The following SUCLG2 variants were observed in gnomAD, a reference collection of about 807,000 sequenced individuals.
The protein encoded by SUCLG2 is succinate-CoA ligase GDP-forming subunit beta.
Under a neutral mutation model 47.9 loss-of-function variants are expected in SUCLG2, and 42 were observed. The observed-to-expected ratio is 0.88, with a 90% CI of 0.69 to 1.14. The LOEUF is 1.14. Ranked by LOEUF, SUCLG2 falls within the 50% of genes most tolerant of loss-of-function variation. The pLI, the probability that SUCLG2 is intolerant of heterozygous loss-of-function variation, is 0.00. For missense variants in SUCLG2, 571 were observed against 525.9 expected (o/e 1.09, Z -0.84); for synonymous variants, 195 against 197.3 (o/e 0.99, Z 0.10).
chr3:67,427,506 T>G (rs963128252), intron 9 of SUCLG2, among the ~76,000 whole-genome samples: 2 of 152,154 alleles, frequency 1.3e-5, no homozygotes, highest in African/African-American at 2.4e-5. Context: ...CTAAGTTAAA[T>G]AGGAAGAGGT....
At chr3:67,371,006 T>G (rs1701945556), downstream of SUCLG2, among the ~76,000 whole-genome samples, 1 of 152,190 alleles carries the variant, frequency 6.6e-6, no homozygotes, top group African/African-American at 2.4e-5. Flanking sequence ...ATGTTCAATA[T>G]TAAAAGGTAA....
chr3:67,427,013 T>C (rs564465645), intron 9 of SUCLG2, among the ~76,000 whole-genome samples: 4 of 152,300 alleles, frequency 2.6e-5, no homozygotes, highest in South Asian at 4.1e-4. Context: ...ACTAAGAATG[T>C]AATTTACAAT....
chr3:67,443,118 A>C (rs1703813250), intron 9 of SUCLG2, among the ~76,000 whole-genome samples: 1 of 152,206 alleles, frequency 6.6e-6, no homozygotes, highest in African/African-American at 2.4e-5. Flanking sequence ...GAGGTATTAC[A>C]AGTAATCTGG....
intron 9 of SUCLG2, among the ~76,000 whole-genome samples, chr3:67,453,386 T>C (rs1704103974): frequency 6.6e-6 from 1 of 152,154 alleles, no homozygotes; most frequent in Admixed American, 6.5e-5. Flanking sequence ...TGAGGGCCTG[T>C]TTCCTGGATT....
chr3:67,439,785 C>T (rs905048587), intron 9 of SUCLG2, among the ~76,000 whole-genome samples: 3 of 152,110 alleles, frequency 2.0e-5, no homozygotes, highest in Non-Finnish European at 2.9e-5. Context: ...GAATCAATAT[C>T]GTCAAAATGG....
chr3:67,383,920 C>T (rs1316340245), intron 10 of SUCLG2, among the ~76,000 whole-genome samples: 1 of 152,154 alleles, frequency 6.6e-6, no homozygotes, highest in Non-Finnish European at 1.5e-5. Context: ...GTTTTATACA[C>T]CCAAACATCT....
intron 10 of SUCLG2, among the ~76,000 whole-genome samples, chr3:67,399,464 C>T (rs1702634112): frequency 6.6e-6 from 1 of 152,118 alleles, no homozygotes; most frequent in Non-Finnish European, 1.5e-5. Context: ...TGAGTCTGTC[C>T]CATCAAGGAA....
chr3:67,432,692 G>A (rs78482996), intron 9 of SUCLG2, among the ~76,000 whole-genome samples: 2,229 of 152,180 alleles, frequency 0.015, 43 homozygotes, highest in African/African-American at 0.051. Flanking sequence ...TAGGTTCTAA[G>A]CCTCCAGTTG....
At chr3:67,441,470 T>C (rs866068267) in intron 9 of SUCLG2, among the ~76,000 whole-genome samples, 1 of 151,870 alleles carries the variant, frequency 6.6e-6, no homozygotes, top group African/African-American at 2.4e-5. Flanking sequence ...CTCCTGCAAA[T>C]ATGTCTGCGT....
chr3:67,408,883 T>G (rs1359238749), intron 9 of SUCLG2: 2 of 1,476,450 alleles, frequency 1.4e-6, no homozygotes, highest in Admixed American at 5.2e-5. Flanking sequence ...CCATGTTCGT[T>G]CCACTCCCTC....
intron 9 of SUCLG2, among the ~76,000 whole-genome samples, chr3:67,440,638 CA>C (rs2106909815): frequency 6.6e-6 from 1 of 152,288 alleles, no homozygotes; most frequent in East Asian, 1.9e-4. Flanking sequence ...AGCTCATCAC[CA>C]CCAGTCATTA....
At chr3:67,610,262 T>G (rs1296893223) in intron 1 of SUCLG2, among the ~76,000 whole-genome samples, 1 of 152,144 alleles carries the variant, frequency 6.6e-6, no homozygotes, top group South Asian at 2.1e-4. Flanking sequence ...TCCACCAAGG[T>G]TGAGTGCAAT....
chr3:67,391,203 AGTT>A (rs1345012823), intron 10 of SUCLG2, among the ~76,000 whole-genome samples: 1 of 152,218 alleles, frequency 6.6e-6, no homozygotes, highest in Admixed American at 6.5e-5. Context: ...CTTTCTCTAA[AGTT>A]GTTGTGAACA....
At chr3:67,534,755 C>G (rs1242822990) in intron 2 of SUCLG2, among the ~76,000 whole-genome samples, 7 of 110,932 alleles carry the variant, frequency 6.3e-5, no homozygotes, top group African/African-American at 1.1e-4. Flanking sequence ...ACAGAACTCC[C>G]TAACACTGAT....
At chr3:67,573,897 G>C (rs2107242241) in intron 2 of SUCLG2, among the ~76,000 whole-genome samples, 1 of 152,244 alleles carries the variant, frequency 6.6e-6, no homozygotes, top group East Asian at 1.9e-4. Flanking sequence ...CTAAGGAAAA[G>C]TCCTGCAACA....
At chr3:67,481,155 A>G (rs1428189373) in intron 9 of SUCLG2, among the ~76,000 whole-genome samples, 1 of 152,248 alleles carries the variant, frequency 6.6e-6, no homozygotes, top group Non-Finnish European at 1.5e-5. Flanking sequence ...AATAATGCAA[A>G]TTACTAAAAA....
At chr3:67,418,562 C>T (rs932157106) in intron 9 of SUCLG2, among the ~76,000 whole-genome samples, 1 of 152,170 alleles carries the variant, frequency 6.6e-6, no homozygotes, top group Non-Finnish European at 1.5e-5. Flanking sequence ...CTGACAAAAT[C>T]TATGACAAAT....
At chr3:67,604,693 AT>A (rs1327926402) in intron 2 of SUCLG2, among the ~76,000 whole-genome samples, 1 of 152,212 alleles carries the variant, frequency 6.6e-6, no homozygotes, top group African/African-American at 2.4e-5. Flanking sequence ...GACAAGTTCC[AT>A]TTAGGTCAGG....
chr3:67,653,849 G>A (rs1701330926), intron 1 of SUCLG2, among the ~76,000 whole-genome samples: 1 of 152,192 alleles, frequency 6.6e-6, no homozygotes, highest in African/African-American at 2.4e-5. Flanking sequence ...GACCCTCTTT[G>A]ATTTCATTCT....
Sources: gnomAD v4.1 joint callset for allele counts (sites outside exome capture counted in the v4.1 genomes callset) on GRCh38, gnomAD v4.1.1 for gene constraint, MANE v1.5 for transcripts, NCBI Gene and HGNC (gene_info 2026-07-23, HGNC 2026-07-21) for gene names.